CACNA1C: variants seen among roughly 807,000 people sequenced by gnomAD.
CACNA1C encodes calcium voltage-gated channel subunit alpha1 C.
CACNA1C carries 30 observed loss-of-function variants against 229.0 expected under a neutral mutation model. The observed-to-expected ratio is 0.13, with a 90% CI of 0.10 to 0.18. The LOEUF is 0.18. CACNA1C is among the 10% of genes least tolerant of loss of function. The pLI is 1.00. For synonymous variants in CACNA1C, 1,114 were observed against 1,132.5 expected, an observed-to-expected ratio of 0.98 and a Z score of 0.33; for missense variants, 1,658 against 2,845.0, an observed-to-expected ratio of 0.58 and a Z score of 9.49.
intron 38 of CACNA1C, among the ~76,000 whole-genome samples, chr12:2,669,723 C>T (rs747282024): frequency 2.0e-4 from 31 of 152,214 alleles, no homozygotes; most frequent in Non-Finnish European, 3.4e-4. Flanking sequence ...GGTCATCGCA[C>T]ACATTGTGCG....
chr12:2,008,265 G>C (rs1355522952), intron 1 of CACNA1C, among the ~76,000 whole-genome samples: 4 of 152,118 alleles, frequency 2.6e-5, no homozygotes, highest in Non-Finnish European at 5.9e-5. Context: ...CCACAGGCTG[G>C]TGCCACCATG....
intron 13 of CACNA1C, among the ~76,000 whole-genome samples, chr12:2,571,724 G>T (rs977766270): frequency 6.6e-6 from 1 of 152,172 alleles, no homozygotes; most frequent in Admixed American, 6.5e-5. Context: ...CTGTGGCAAA[G>T]GCCGTCATCT....
At chr12:2,675,524 G>A (rs546328814) in intron 39 of CACNA1C, among the ~76,000 whole-genome samples, 14 of 152,210 alleles carry the variant, frequency 9.2e-5, no homozygotes, top group African/African-American at 2.9e-4. Context: ...TGACACTTAC[G>A]GTGAGTGACC....
chr12:2,450,550 T>C (rs1298696478), intron 4 of CACNA1C, among the ~76,000 whole-genome samples: 5 of 45,828 alleles, frequency 1.1e-4, no homozygotes, highest in African/African-American at 2.4e-4. Flanking sequence ...CGAGACTCCA[T>C]CTCAAAAAAA....
At chr12:1,996,300 G>A (rs2154476367) in intron 1 of CACNA1C, among the ~76,000 whole-genome samples, 1 of 152,130 alleles carries the variant, frequency 6.6e-6, no homozygotes, top group South Asian at 2.1e-4. Flanking sequence ...AAAATCCAGA[G>A]TCTGCCATTC....
chr12:2,507,870 T>C (rs1041730789), intron 8 of CACNA1C, among the ~76,000 whole-genome samples: 4 of 152,182 alleles, frequency 2.6e-5, no homozygotes, highest in Non-Finnish European at 5.9e-5. Context: ...CCCAAACCCA[T>C]AGGACGGGTT....
rs1336965329 is a variant in CACNA1C at position 2,674,596 on chromosome 12, G to A, written c.4782G>A (p.Lys1594=). The change falls in exon 39 of 47, where the codon AAG becomes AAA. Residue 1594 remains lysine (K), a synonymous_variant. Transcript: ENST00000399655. ...ELRAIIKKIW[K]RTSMKLLDQV... is the part of the protein sequence containing the mutation. The stretch of plus-strand genomic sequence containing the variant: ...GGGCGATCATCAAGAAGATCTGGAA[G>A]CGGACCAGCATGAAGCTGCTGGACC... The A allele has an allele frequency of 3.8e-6, 6 of 1,577,200 alleles. No individual in the cohort carries two copies. In the African/African-American group the frequency reaches 6.7e-5, roughly 18 times the overall value.
intron 11 of CACNA1C, among the ~76,000 whole-genome samples, chr12:2,563,174 C>T (rs2048403198): frequency 1.3e-5 from 2 of 152,160 alleles, no homozygotes; most frequent in Admixed American, 6.5e-5. Context: ...ATATAATGGC[C>T]TCCAGTTCCA....
In CACNA1C at chr12:2,071,529, C is replaced by T. The variant is rs76939884; in HGVS notation, c.49+17918C>T. 3.6e-4 allele frequency among the ~76,000 whole-genome samples: 55 copies of T among 152,106 alleles called. No homozygotes were observed. The East Asian group carries it at 3.7e-3, about 10-fold the overall frequency. ...TGAGCTACTACCGCTCCCAGCCTCACGATCTTTTCAAATATTATCTCTCCC... is the reference window on the plus strand; with the variant it reads ...TGAGCTACTACCGCTCCCAGCCTCATGATCTTTTCAAATATTATCTCTCCC... On this transcript the variant is annotated intron_variant, in intron 1 of 46. Transcript: ENST00000399655.
At chr12:2,373,204 T>C (rs1454150422) in intron 3 of CACNA1C, among the ~76,000 whole-genome samples, 1 of 152,182 alleles carries the variant, frequency 6.6e-6, no homozygotes, top group African/African-American at 2.4e-5. Flanking sequence ...AAAACATCCA[T>C]ATGTTTTCTA....
intron 1 of CACNA1C, among the ~76,000 whole-genome samples, chr12:2,080,066 G>T (rs1226386785): frequency 6.6e-6 from 1 of 152,004 alleles, no homozygotes; most frequent in African/African-American, 2.4e-5. Flanking sequence ...TTCAAGACCA[G>T]CCTGGCCAAC....
chr12:2,462,056 C>T (rs1282791692), intron 5 of CACNA1C, among the ~76,000 whole-genome samples: 1 of 152,138 alleles, frequency 6.6e-6, no homozygotes, highest in Non-Finnish European at 1.5e-5. Context: ...CGCCTCCTTC[C>T]TCCCTAAGCT....
At chr12:2,142,899 A>C (rs1565952745) in intron 3 of CACNA1C, among the ~76,000 whole-genome samples, 1 of 151,468 alleles carries the variant, frequency 6.6e-6, no homozygotes, top group Non-Finnish European at 1.5e-5. Context: ...AAGTTAAAAA[A>C]AATTAAAAGG....
At chr12:2,211,778 G>C (rs1204190300) in intron 3 of CACNA1C, among the ~76,000 whole-genome samples, 1 of 148,930 alleles carries the variant, frequency 6.7e-6, no homozygotes, top group African/African-American at 2.5e-5. Context: ...GAGTGCAATG[G>C]CATGGTCTCG....
intron 3 of CACNA1C, among the ~76,000 whole-genome samples, chr12:2,406,813 T>A (rs1185771442): frequency 6.6e-6 from 1 of 152,274 alleles, no homozygotes; most frequent in Non-Finnish European, 1.5e-5. Flanking sequence ...GGTGCTTTCC[T>A]GTTCTTGGTA....
At chr12:2,274,601 G>A (rs964931766) in intron 3 of CACNA1C, among the ~76,000 whole-genome samples, 5 of 152,156 alleles carry the variant, frequency 3.3e-5, no homozygotes, top group Non-Finnish European at 7.4e-5. Flanking sequence ...TAATTCACAC[G>A]GTCCCTGCAT....
chr12:2,643,641 G>T (rs1054276067), intron 30 of CACNA1C, among the ~76,000 whole-genome samples: 3 of 152,148 alleles, frequency 2.0e-5, no homozygotes, highest in African/African-American at 7.2e-5. Context: ...CCAAGATTCA[G>T]CACCTCCCGA....
At chr12:2,124,837 G>C (rs375953942) in intron 3 of CACNA1C, among the ~76,000 whole-genome samples, 1 of 152,158 alleles carries the variant, frequency 6.6e-6, no homozygotes, top group Non-Finnish European at 1.5e-5. Context: ...GGAATGATGC[G>C]TACGATTAGG....
At chr12:2,064,764 C>T (rs1197599929) in intron 1 of CACNA1C, among the ~76,000 whole-genome samples, 1 of 152,096 alleles carries the variant, frequency 6.6e-6, no homozygotes, top group East Asian at 1.9e-4. Flanking sequence ...AGCCTCTTTC[C>T]AGTCTTGGGA....
Sources: allele counts gnomAD v4.1 joint callset (sites outside exome capture counted in the v4.1 genomes callset), GRCh38; gene constraint gnomAD v4.1.1; transcripts MANE v1.5; gene names NCBI Gene and HGNC (gene_info 2026-07-23, HGNC 2026-07-21).